Variants in JMJD1C observed in about 807,000 individuals in gnomAD.
The protein encoded by JMJD1C is jumonji domain-containing protein 1C.
JMJD1C carries 31 observed loss-of-function variants against 245.3 expected under a neutral mutation model. The ratio of observed to expected loss-of-function variants is 0.13; its 90% CI spans 0.09 to 0.17. The LOEUF is 0.17. JMJD1C is among the 10% of genes least tolerant of loss of function. The pLI is 1.00. For missense variants in JMJD1C, 2,691 were observed against 3,000.2 expected (o/e 0.90, Z 2.41); for synonymous variants, 1,057 against 1,017.4 (o/e 1.04, Z -0.74).
At chr10:63,170,774 T>C (rs1842275380) in intron 24 of JMJD1C, among the ~76,000 whole-genome samples, 1 of 152,176 alleles carries the variant, frequency 6.6e-6, no homozygotes, top group African/African-American at 2.4e-5. Flanking sequence ...GATAAAGGCT[T>C]GAGGGTTACT....
At chr10:63,305,629 CGTGTGTGTGTGTGTGTGTGTGT>C (rs36038855) in intron 2 of JMJD1C, among the ~76,000 whole-genome samples, 119 of 121,774 alleles carry the variant, frequency 9.8e-4, no homozygotes, top group South Asian at 1.9e-3. Flanking sequence ...ACCATGCTGG[CGTGTGTGTGTGTGTGTGTGTGT>C]GTGTGTGTGT....
At chr10:63,369,173 C>T (rs946518847) in intron 2 of JMJD1C, among the ~76,000 whole-genome samples, 81 of 151,282 alleles carry the variant, frequency 5.4e-4, no homozygotes, top group South Asian at 2.1e-4. Flanking sequence ...CTCCTCTTCT[C>T]GTCTCACTCT....
intron 1 of JMJD1C, 122 bp downstream of exon 1, chr10:63,465,373 C>T (rs1953145591): frequency 2.8e-6 from 3 of 1,061,202 alleles, no homozygotes; most frequent in Non-Finnish European, 2.7e-6. Context: ...AAGGGTTCAG[C>T]AGAGGGGCGT....
chr10:63,362,467 ATT>A (rs1251605859), intron 2 of JMJD1C, among the ~76,000 whole-genome samples: 12 of 74,754 alleles, frequency 1.6e-4, no homozygotes, highest in South Asian at 5.1e-4. Flanking sequence ...ACATATATAT[ATT>A]TATTTATATA....
intron 2 of JMJD1C, among the ~76,000 whole-genome samples, chr10:63,283,271 T>C (rs948341883): frequency 3.3e-5 from 5 of 152,196 alleles, no homozygotes; most frequent in Non-Finnish European, 5.9e-5. Context: ...ATAAACTTCT[T>C]TGTAGCAGTG....
chr10:63,401,593 T>A (rs1232331961), intron 1 of JMJD1C, among the ~76,000 whole-genome samples: 1 of 152,174 alleles, frequency 6.6e-6, no homozygotes, highest in Non-Finnish European at 1.5e-5. Context: ...GTATTTAGGA[T>A]TGTTTCATGG....
intron 24 of JMJD1C, among the ~76,000 whole-genome samples, chr10:63,172,676 G>A (rs567659723): frequency 6.6e-6 from 1 of 151,702 alleles, no homozygotes; most frequent in Admixed American, 6.6e-5. Flanking sequence ...AAAGTTGGGG[G>A]ACACAATTTA....
At chr10:63,240,589 C>T (rs901392300) in intron 3 of JMJD1C, among the ~76,000 whole-genome samples, 7 of 152,046 alleles carry the variant, frequency 4.6e-5, no homozygotes, top group Non-Finnish European at 5.9e-5. Context: ...ATAGATATAA[C>T]GGTTCACATT....
chr10:63,393,293 T>C (rs1447319409), intron 1 of JMJD1C, among the ~76,000 whole-genome samples: 1 of 151,834 alleles, frequency 6.6e-6, no homozygotes, highest in African/African-American at 2.4e-5. Context: ...AATAAAATGC[T>C]CAACAACATG....
At chr10:63,411,240 T>C (rs142420269) in intron 1 of JMJD1C, among the ~76,000 whole-genome samples, 1 of 151,684 alleles carries the variant, frequency 6.6e-6, no homozygotes, top group East Asian at 1.9e-4. Context: ...CCAGGTTAAC[T>C]ACAGTGAGTG....
At chr10:63,191,645 T>C (rs920726800) in intron 16 of JMJD1C, among the ~76,000 whole-genome samples, 2 of 152,066 alleles carry the variant, frequency 1.3e-5, no homozygotes, top group African/African-American at 4.8e-5. Flanking sequence ...AAGACATGTT[T>C]ACACCTGTTA....
At chr10:63,473,525 G>T (rs1379973528) in intron 1 of JMJD1C, among the ~76,000 whole-genome samples, 3 of 151,996 alleles carry the variant, frequency 2.0e-5, no homozygotes, top group African/African-American at 7.2e-5. Context: ...GGGATTTCAG[G>T]CATGAGCCAC....
Position 63,411,162 on chromosome 10 carries a change from A to T in JMJD1C, c.169-30680T>A, listed in dbSNP as rs189446548. The stretch of plus-strand genomic sequence containing the variant: ...AGTTATATTAAGTTCAACAACAGGA[A>T]AATCTCATCTTTGGTGATAGAACTG... On this transcript the variant is annotated intron_variant, in intron 1 of 25. Coordinates refer to ENST00000399262, the MANE Select transcript of JMJD1C (RefSeq NM_032776.3). Among the ~76,000 whole-genome samples, 715 of 152,304 alleles carry T rather than the reference A, an allele frequency of 4.7e-3. 7 individuals are homozygous for T. The highest frequency in any genetic ancestry group is 0.019 in the South Asian group (90 of 4,824).
rs1244649871 is a variant in JMJD1C at position 63,210,332 on chromosome 10, G to A, written c.2695-1097C>T. Among the ~76,000 whole-genome samples the A allele has an allele frequency of 2.6e-5, 4 of 151,802 alleles. No individual in the cohort carries two copies. In the East Asian group the frequency reaches 7.7e-4, roughly 29 times the overall value. Reference sequence around the variant, plus strand: ...TTCTTCACTTTTGGTCAATAGTAGGGGGTAAGATATTTTTATTTTTCCTCA... The same window carrying A: ...TTCTTCACTTTTGGTCAATAGTAGGAGGTAAGATATTTTTATTTTTCCTCA... On this transcript the variant is annotated intron_variant, in intron 8 of 25. Transcript: ENST00000399262.
At chr10:63,359,585 T>C (rs1407176856) in intron 2 of JMJD1C, among the ~76,000 whole-genome samples, 1 of 152,252 alleles carries the variant, frequency 6.6e-6, no homozygotes, top group East Asian at 1.9e-4. Flanking sequence ...TTTTAATGAA[T>C]ACTTTTCATT....
chr10:63,176,725 T>C (rs1376893889), intron 23 of JMJD1C: 1 of 355,696 alleles, frequency 2.8e-6, no homozygotes, highest in East Asian at 4.6e-5. Flanking sequence ...CCTTCCACTA[T>C]GAAGTTTCCA....
At chr10:63,237,560 C>G (rs1319907142) in intron 3 of JMJD1C, among the ~76,000 whole-genome samples, 1 of 152,102 alleles carries the variant, frequency 6.6e-6, no homozygotes, top group Admixed American at 6.6e-5. Context: ...CTAGACTTGC[C>G]CAGTGACTTA....
intron 10 of JMJD1C, chr10:63,202,965 C>T (rs1846189574): frequency 1.0e-6 from 1 of 984,112 alleles, no homozygotes; most frequent in Admixed American, 6.2e-5. Flanking sequence ...GATAATGGAA[C>T]AGTTCAGAGT....
chr10:63,369,576 TTGAC>T (rs546512398), intron 2 of JMJD1C, among the ~76,000 whole-genome samples: 1 of 152,202 alleles, frequency 6.6e-6, no homozygotes, highest in South Asian at 2.1e-4. Flanking sequence ...ATAAATTAGA[TTGAC>T]TGTTTATTTA....
Sources: gnomAD v4.1 joint callset for allele counts (sites outside exome capture counted in the v4.1 genomes callset) on GRCh38, gnomAD v4.1.1 for gene constraint, MANE v1.5 for transcripts, NCBI Gene and HGNC (gene_info 2026-07-23, HGNC 2026-07-21) for gene names.